The following CMIP variants were observed in gnomAD, a reference collection of about 807,000 sequenced individuals.
The protein encoded by CMIP is c-Maf inducing protein.
Under a neutral mutation model 97.3 loss-of-function variants are expected in CMIP, and 13 were observed. The ratio of observed to expected loss-of-function variants is 0.13; its 90% CI spans 0.09 to 0.21. CMIP has a LOEUF of 0.21. CMIP is among the 10% of genes least tolerant of loss of function. CMIP has a pLI of 1.00. For synonymous variants in CMIP, 538 were observed against 436.3 expected, an observed-to-expected ratio of 1.23 and a Z score of -2.91; for missense variants, 847 against 1,024.9, an observed-to-expected ratio of 0.83 and a Z score of 2.37.
intron 14 of CMIP, 70 bp from the exon 15 acceptor site, chr16:81,699,615 T>C: frequency 9.7e-7 from 1 of 1,025,824 alleles, no homozygotes; most frequent in Non-Finnish European, 1.5e-6. Flanking sequence ...TTGGGCTCAC[T>C]TCCTGCCAGC....
rs141741575 is a variant in CMIP, at chr16:81,534,775, G to T, written c.301-72792G>T. ...CTTCCCTCCAAATAGTTAATGGATT[G>T]TCTGTTATCATTCACTCAATAGTGT... On this transcript the variant is annotated intron_variant, in intron 1 of 20. Transcript: ENST00000537098. 7.9e-5 allele frequency among the ~76,000 whole-genome samples: 12 copies of T among 152,284 alleles called. No homozygotes were observed. The East Asian group carries it at 2.1e-3, about 27-fold the overall frequency.
intron 2 of CMIP, 46 bp from the exon 3 acceptor site, chr16:81,620,830 C>T (rs139661444): frequency 1.9e-4 from 312 of 1,611,170 alleles, no homozygotes; most frequent in Non-Finnish European, 2.5e-4. Context: ...CCTGAGATGC[C>T]GCAAGCTGAT....
At chr16:81,642,859 G>A (rs1043227615) in intron 3 of CMIP, among the ~76,000 whole-genome samples, 11 of 152,128 alleles carry the variant, frequency 7.2e-5, no homozygotes, top group African/African-American at 2.7e-4. Context: ...TCGCACCACT[G>A]CACTCCAGCC....
rs2151117405 is a variant in CMIP at position 81,711,097 on chromosome 16, A to C, written c.*1298A>C. ...CCCCACCTGCTCCGAAGACAAACCA[A>C]CCTCCGTTTCTTTTATAAACAGTCG... is the stretch of plus-strand genomic sequence containing the variant. On this transcript the variant is annotated 3_prime_UTR_variant, in exon 21 of 21. Coordinates refer to ENST00000537098, the MANE Select transcript of CMIP (RefSeq NM_198390.3). 1 of 141,682 alleles carries C rather than the reference A, an allele frequency of 7.1e-6. No individual in the cohort carries two copies. The highest frequency in any genetic ancestry group is 2.1e-4 in the East Asian group (1 of 4,700). 8.8% of individuals were successfully genotyped at this position (141,682 alleles called of 1,614,324 possible).
chr16:81,684,527 C>G (rs1279799972), intron 10 of CMIP, among the ~76,000 whole-genome samples: 2 of 152,242 alleles, frequency 1.3e-5, no homozygotes, highest in African/African-American at 2.4e-5. Context: ...ATCTTCTGAA[C>G]TGGGTTAAAA....
At chr16:81,547,289 G>A (rs2090566236) in intron 1 of CMIP, among the ~76,000 whole-genome samples, 1 of 152,220 alleles carries the variant, frequency 6.6e-6, no homozygotes, top group African/African-American at 2.4e-5. Context: ...TTATGTGGCC[G>A]AGGGCATGGG....
chr16:81,709,440 G>A (rs901152534), intron 20 of CMIP, among the ~76,000 whole-genome samples: 3 of 152,192 alleles, frequency 2.0e-5, no homozygotes, highest in Non-Finnish European at 4.4e-5. Flanking sequence ...CGGTCACGCA[G>A]CAGCAAGTGG....
At chr16:81,657,465 T>C (rs1472686366) in intron 4 of CMIP, among the ~76,000 whole-genome samples, 4 of 152,180 alleles carry the variant, frequency 2.6e-5, no homozygotes, top group Admixed American at 2.0e-4. Flanking sequence ...CTATTGAGGT[T>C]ACTGGAAGCC....
chr16:81,500,737 C>A (rs756766513), intron 1 of CMIP, among the ~76,000 whole-genome samples: 2 of 152,076 alleles, frequency 1.3e-5, no homozygotes, highest in Non-Finnish European at 2.9e-5. Flanking sequence ...GATCCACCCA[C>A]CTTGGCCTCC....
intron 1 of CMIP, among the ~76,000 whole-genome samples, chr16:81,602,445 G>A (rs143600275): frequency 3.9e-5 from 6 of 152,332 alleles, no homozygotes; most frequent in Admixed American, 2.6e-4. Context: ...TCAGGTTTGC[G>A]TTGTAATTTA....
intron 1 of CMIP, among the ~76,000 whole-genome samples, chr16:81,477,293 T>TA (rs538486544): frequency 2.0e-5 from 3 of 152,164 alleles, no homozygotes; most frequent in Non-Finnish European, 4.4e-5. Flanking sequence ...TAGCGGGGAT[T>TA]ACAAGCTTAC....
At chr16:81,495,391 GAAC>G (rs774072786) in intron 1 of CMIP, 86 of 1,548,984 alleles carry the variant, frequency 5.6e-5, no homozygotes, top group East Asian at 2.2e-4. Context: ...AACCGTTTGA[GAAC>G]AACAAACCAA....
chr16:81,601,423 G>T (rs1164159556), intron 1 of CMIP, among the ~76,000 whole-genome samples: 1 of 152,090 alleles, frequency 6.6e-6, no homozygotes, highest in African/African-American at 2.4e-5. Flanking sequence ...TTTCTGGGGG[G>T]GTCAGCTCAC....
intron 1 of CMIP, among the ~76,000 whole-genome samples, chr16:81,499,330 G>A (rs1567545554): frequency 6.6e-6 from 1 of 152,102 alleles, no homozygotes; most frequent in African/African-American, 2.4e-5. Context: ...ACTTGTCTCT[G>A]CACACACACA....
rs779015706 is a variant in CMIP, at chr16:81,699,668, G to T, written c.1639-17G>T. On this transcript the variant is annotated splice_polypyrimidine_tract_variant and intron_variant, in intron 14 of 20. Transcript: ENST00000537098. ...TGGGTGTCTCTGTCCCTTCACCTGG[G>T]CCTTCTTGCCTCACAGGTGCACATC... 1.3e-6 allele frequency: 2 copies of T among 1,548,068 alleles called. No individual in the cohort carries two copies. Among genetic ancestry groups the T allele is most frequent in the Non-Finnish European group, 1.8e-6 (2 of 1,121,814 alleles).
intron 10 of CMIP, among the ~76,000 whole-genome samples, chr16:81,685,711 C>CTTT (rs572591775): frequency 1.3e-4 from 17 of 135,150 alleles, no homozygotes; most frequent in Middle Eastern, 3.8e-3. Flanking sequence ...GCCTGGCTTA[C>CTTT]TTTTTTTTTT....
In CMIP at chr16:81,693,493, G is replaced by T; in HGVS notation, c.1530+6G>T. The T allele has an allele frequency of 1.2e-6, 2 of 1,611,278 alleles. No individual in the cohort carries two copies. The highest frequency in any genetic ancestry group is 1.7e-6 in the Non-Finnish European group (2 of 1,178,430). ...CCGAAGACCCCAGGCAAGAGGTGAG[G>T]CCTTTGTTTCTGCATCTCAGGCCGG... On this transcript the variant is annotated splice_donor_region_variant and intron_variant, in intron 13 of 20. Transcript: ENST00000537098.
intron 1 of CMIP, among the ~76,000 whole-genome samples, chr16:81,449,955 A>G (rs920553537): frequency 6.6e-6 from 1 of 152,216 alleles, no homozygotes; most frequent in Non-Finnish European, 1.5e-5. Flanking sequence ...GGTGGAAGGA[A>G]TTTCACTGCA....
At chr16:81,569,609 C>T (rs557526282) in intron 1 of CMIP, among the ~76,000 whole-genome samples, 203 of 152,316 alleles carry the variant, frequency 1.3e-3, no homozygotes, top group Middle Eastern at 3.4e-3. Flanking sequence ...TGACAGGTGC[C>T]GGGGAAGTCC....
Sources: gnomAD v4.1 joint callset for allele counts (sites outside exome capture counted in the v4.1 genomes callset) on GRCh38, gnomAD v4.1.1 for gene constraint, MANE v1.5 for transcripts, NCBI Gene and HGNC (gene_info 2026-07-23, HGNC 2026-07-21) for gene names.